The following SGCA variants were observed in gnomAD, a reference collection of about 807,000 sequenced individuals.
SGCA encodes the protein sarcoglycan alpha, also known as alpha-sarcoglycan.
SGCA carries 34 observed loss-of-function variants against 38.1 expected under a neutral mutation model. That is an observed-to-expected ratio of 0.89 (90% CI 0.68 to 1.19). SGCA has a LOEUF of 1.19. Among genes scored for constraint, SGCA ranks in the 50% most tolerant of loss-of-function variants. The probability of loss-of-function intolerance (pLI) is 0.00; values close to 1 mark genes in which losing one functional copy is unlikely to be tolerated. For synonymous variants in SGCA, 209 were observed against 214.6 expected (o/e 0.97, Z 0.23); for missense variants, 476 against 524.9 (o/e 0.91, Z 0.91).
intron 6 of SGCA, chr17:50,169,734 C>T (rs535071060): frequency 1.4e-5 from 5 of 346,492 alleles, no homozygotes; most frequent in East Asian, 6.9e-5. Flanking sequence ...CAGGATCCCA[C>T]GGCTGGTGTA....
chr17:50,169,520 C>T (rs113107132), intron 6 of SGCA: 33 of 522,750 alleles, frequency 6.3e-5, no homozygotes, highest in African/African-American at 2.5e-4. Flanking sequence ...CCAACTCCCG[C>T]GCCCCAGATC....
chr17:50,167,837 C>A lies in SGCA; in HGVS notation c.312+101C>A. On this transcript the variant is annotated intron_variant, in intron 3 of 9. Coordinates refer to ENST00000262018, the MANE Select transcript of SGCA (RefSeq NM_000023.4). The surrounding 1 kb of genome is among the most constrained non-coding windows in gnomAD (Gnocchi z 4.5). The stretch of plus-strand genomic sequence containing the variant: ...TTGGGTGCTCATTCACAGTCATTTA[C>A]ATATAATTTACATACCTCTAATTTG... 1 of 1,541,690 alleles carries A rather than the reference C, an allele frequency of 6.5e-7. No individual in the cohort carries two copies. The highest frequency in any genetic ancestry group is 9.0e-7 in the Non-Finnish European group (1 of 1,114,450).
rs761255036 is a variant in SGCA, at chr17:50,175,862, A to T, written c.*163A>T. 1 of 467,554 alleles carries T rather than the reference A, an allele frequency of 2.1e-6. No homozygotes were observed. Among genetic ancestry groups the T allele is most frequent in the Admixed American group, 2.3e-5 (1 of 42,844 alleles). 29.0% of individuals were successfully genotyped at this position (467,554 alleles called of 1,614,324 possible). ...GGTGGGGTGGGGTGAGAGTGTGTGGAGTAAGGACATTCAGAATAAATATCT... is the reference window on the plus strand; with the variant it reads ...GGTGGGGTGGGGTGAGAGTGTGTGGTGTAAGGACATTCAGAATAAATATCT... On this transcript the variant is annotated 3_prime_UTR_variant, in exon 10 of 10. Transcript: ENST00000262018.
intron 1 of SGCA, 104 bp downstream of exon 1, chr17:50,166,181 G>A: frequency 1.0e-6 from 1 of 970,810 alleles, no homozygotes; most frequent in Non-Finnish European, 1.7e-6. Context: ...GATCTGGGTT[G>A]GGTGAGGCAG....
intron 1 of SGCA, 86 bp downstream of exon 1, chr17:50,166,163 A>G (rs1447529321): frequency 8.6e-7 from 1 of 1,158,498 alleles, no homozygotes; most frequent in South Asian, 1.2e-5. Context: ...GAGGGCCCAC[A>G]GAAGAGGGAT....
At position 50,170,232 on chromosome 17, in the gene SGCA, T is replaced by G. The variant is rs775773189; in HGVS notation, c.837T>G (p.Thr279=). 6.2e-7 allele frequency: 1 copy of G among 1,614,090 alleles called. No individual in the cohort carries two copies. The highest frequency in any genetic ancestry group is 8.5e-7 in the Non-Finnish European group (1 of 1,179,992). ...ATGACCCGTTCTTCTGCCCACCCAC[T>G]GAGGCCCCAGACCGTGACTTCTTGG... The part of the protein sequence containing the change: ...LEHDPFFCPP[T]EAPDRDFLVD... Residue 279 remains threonine (T), a synonymous_variant, in exon 7 of 10, where the codon ACT becomes ACG. Transcript: ENST00000262018.
chr17:50,175,540 C>G, intron 9 of SGCA, 91 bp downstream of exon 9: 1 of 1,210,132 alleles, frequency 8.3e-7, no homozygotes, highest in Non-Finnish European at 1.2e-6. Flanking sequence ...TGGGAGAGGT[C>G]AGGGGAAGAG....
chr17:50,172,534 A>G (rs1457189951), intron 8 of SGCA: 3 of 333,248 alleles, frequency 9.0e-6, no homozygotes, highest in Non-Finnish European at 1.8e-5. Flanking sequence ...AAGCTGGAGC[A>G]CAGTGGCATA....
At chr17:50,175,542 G>A in intron 9 of SGCA, 93 bp downstream of exon 9, 1 of 1,180,992 alleles carries the variant, frequency 8.5e-7, no homozygotes, top group Non-Finnish European at 1.2e-6. Flanking sequence ...GGAGAGGTCA[G>A]GGGAAGAGGC....
At position 50,170,295 on chromosome 17, in the gene SGCA, G is replaced by A. The variant is rs746073282; in HGVS notation, c.900G>A (p.Val300=). ...TCACCCTCCTGGTGCCCCTGCTGGT[G>A]GCCCTGCTTCTCACCTTGCTGCTGG... is the stretch of plus-strand genomic sequence containing the variant. The part of the protein sequence containing the change: ...ALVTLLVPLL[V]ALLLTLLLAY... The change falls in exon 7 of 10, where the codon GTG becomes GTA. Residue 300 remains valine (V), a synonymous_variant. Coordinates refer to ENST00000262018, the MANE Select transcript of SGCA (RefSeq NM_000023.4). The A allele has an allele frequency of 6.2e-7, 1 of 1,614,196 alleles. No homozygotes were observed. The highest frequency in any genetic ancestry group is 2.2e-5 in the East Asian group (1 of 44,890).
At position 50,171,485 on chromosome 17, in the gene SGCA, C is replaced by T. The variant is rs1216348210; in HGVS notation, c.983+819C>T. The T allele has an allele frequency of 5.3e-5, 24 of 456,542 alleles. No individual in the cohort carries two copies. The Admixed American group carries it at 5.4e-4, about 10-fold the overall frequency. The allele number at this position is 456,542 out of a possible 1,614,324, so 28.3% of individuals were successfully genotyped here. ...CACTGAGCCAATGGCGGTCTTGGCA[C>T]CCCTGACTGCTTGCCTGGCCTGCCT... On this transcript the variant is annotated intron_variant, in intron 8 of 9. Transcript: ENST00000262018.
At chr17:50,170,483 C>A in intron 7 of SGCA, 132 bp downstream of exon 7, 1 of 1,353,166 alleles carries the variant, frequency 7.4e-7, no homozygotes, top group Non-Finnish European at 1.0e-6. Context: ...GAGTGTGGGG[C>A]CCCTTTCTAG....
intron 8 of SGCA, chr17:50,172,160 TCC>T (rs1315984222): frequency 2.2e-6 from 1 of 456,864 alleles, no homozygotes. Context: ...CCTCTTGAGC[TCC>T]GGCCCTCACC....
In SGCA at chr17:50,170,655, G is replaced by A; in HGVS notation, c.972G>A (p.Leu324=). 1 of 1,561,238 alleles carries A rather than the reference G, an allele frequency of 6.4e-7. No individual in the cohort carries two copies. Among genetic ancestry groups the A allele is most frequent in the East Asian group, 2.4e-5 (1 of 42,046 alleles). Residue 324 remains leucine (L), a synonymous_variant, in exon 8 of 10, where the codon CTG becomes CTA. Transcript: ENST00000262018. ...CRREGRLKRD[L]ATSDIQMVHH... ...TTTTCCACAGGCTGAAGAGAGACCTGGCTACCTCCGAGTGAGTAAAGGAAA... is the reference window on the plus strand; with the variant it reads ...TTTTCCACAGGCTGAAGAGAGACCTAGCTACCTCCGAGTGAGTAAAGGAAA...
Position 50,168,903 on chromosome 17 carries a change from G to A in SGCA, c.585-189G>A, listed in dbSNP as rs73334793. Among the ~76,000 whole-genome samples the A allele has an allele frequency of 7.7e-4, 117 of 151,972 alleles. 2 individuals carry two copies. Among genetic ancestry groups the A allele is most frequent in the African/African-American group, 2.8e-3 (114 of 41,422 alleles). On this transcript the variant is annotated intron_variant, in intron 5 of 9. Transcript: ENST00000262018. ...CTCTCACCATGATCTCAGATCTCTG[G>A]GAGGACTGTGACTCCTGCCAGACCC...
intron 8 of SGCA, among the ~76,000 whole-genome samples, chr17:50,174,331 A>G (rs1288600724): frequency 2.0e-5 from 3 of 152,084 alleles, no homozygotes; most frequent in African/African-American, 7.2e-5. Context: ...AAAAATAAAT[A>G]AATAATATAA....
At chr17:50,166,222 A>G in intron 1 of SGCA, 145 bp downstream of exon 1, 1 of 716,328 alleles carries the variant, frequency 1.4e-6, no homozygotes, top group Non-Finnish European at 2.6e-6. Flanking sequence ...TGTTAATGCC[A>G]TGGCCAGCTG....
chr17:50,170,106 A>G (rs1365535615), intron 6 of SGCA, 37 bp from the exon 7 acceptor site: 1 of 1,589,696 alleles, frequency 6.3e-7, no homozygotes, highest in Non-Finnish European at 8.6e-7. Flanking sequence ...GTGTCCAGCC[A>G]GCCACTTCCT....
chr17:50,171,846 C>G (rs190749419), intron 8 of SGCA: 2 of 456,658 alleles, frequency 4.4e-6, no homozygotes, highest in Non-Finnish European at 8.8e-6. Flanking sequence ...TTGCAGGTCC[C>G]CTTGTCCGCC....
Sources: allele counts gnomAD v4.1 joint callset (sites outside exome capture counted in the v4.1 genomes callset), GRCh38; gene constraint gnomAD v4.1.1; non-coding constraint Gnocchi (gnomAD v3.1); transcripts MANE v1.5; gene names NCBI Gene and HGNC (gene_info 2026-07-23, HGNC 2026-07-21).